Variants in ANKRD31 observed in about 807,000 individuals in gnomAD.
The protein encoded by ANKRD31 is ankyrin repeat domain 31, also known as ankyrin repeat domain-containing protein 31.
A neutral mutation model predicts 186.0 loss-of-function variants in ANKRD31; 147 were observed. That is an observed-to-expected ratio of 0.79 (90% CI 0.69 to 0.91). The LOEUF (loss-of-function observed/expected upper bound fraction) is 0.91. ANKRD31 is among the 40% of genes least tolerant of loss of function. ANKRD31 has a pLI of 0.00. For synonymous variants in ANKRD31, 673 were observed against 736.4 expected (o/e 0.91, Z 1.39); for missense variants, 1,986 against 2,148.8 (o/e 0.92, Z 1.50).
chr5:75,206,226 A>G (rs1756172440), intron 5 of ANKRD31, among the ~76,000 whole-genome samples, 185 bp downstream of exon 5: 2 of 7,046 alleles, frequency 2.8e-4, no homozygotes, highest in Admixed American at 2.3e-3. Flanking sequence ...CAAAAAAAAA[A>G]AAAAAAAAAA....
At chr5:75,234,832 G>T (rs1038029) in intron 1 of ANKRD31, among the ~76,000 whole-genome samples, 1 of 150,334 alleles carries the variant, frequency 6.7e-6, no homozygotes, top group Admixed American at 6.6e-5. Flanking sequence ...AATACTTTTT[G>T]GTTTTTTTTT....
At chr5:75,221,799 A>G (rs1757320461) in intron 3 of ANKRD31, among the ~76,000 whole-genome samples, 2 of 106,474 alleles carry the variant, frequency 1.9e-5, no homozygotes, top group Admixed American at 1.7e-4. Flanking sequence ...CACTTAATGA[A>G]TAGTAAATAT....
chr5:75,115,651 T>G (rs1402464601), intron 19 of ANKRD31, among the ~76,000 whole-genome samples: 1 of 151,942 alleles, frequency 6.6e-6, no homozygotes, highest in African/African-American at 2.4e-5. Flanking sequence ...AAAAAACACA[T>G]GAAAAAATGC....
intron 10 of ANKRD31, among the ~76,000 whole-genome samples, chr5:75,174,362 G>C (rs1753598674): frequency 6.6e-6 from 1 of 152,134 alleles, no homozygotes; most frequent in Non-Finnish European, 1.5e-5. Flanking sequence ...GGCAACAAAA[G>C]CCAAAATAGA....
intron 10 of ANKRD31, among the ~76,000 whole-genome samples, chr5:75,184,212 A>C (rs1339112569): frequency 1.3e-5 from 2 of 152,160 alleles, no homozygotes; most frequent in African/African-American, 4.8e-5. Context: ...AGAAGAATAA[A>C]ACTGGATCCT....
At chr5:75,122,155 G>A (rs10474429) in intron 17 of ANKRD31, among the ~76,000 whole-genome samples, 32,461 of 151,474 alleles carry the variant, frequency 0.21, 3,658 homozygotes, top group South Asian at 0.4. Context: ...AGATACAAAA[G>A]ATCATCAGAC....
In ANKRD31 at chr5:75,121,377, G is replaced by A. The variant is rs184973775; in HGVS notation, c.3877-3080C>T. Among the ~76,000 whole-genome samples, 59 of 152,090 alleles carry A rather than the reference G, an allele frequency of 3.9e-4. 1 individual carries two copies. The highest frequency in any genetic ancestry group is 1.1e-3 in the African/African-American group (47 of 41,504). On this transcript the variant is annotated intron_variant, in intron 17 of 25. Transcript: ENST00000506364. ...ATAATACTGGGGCACTTGAACATCC[G>A]AGTCACAGCACTAGACAGATCACTG... is the stretch of plus-strand genomic sequence containing the variant.
chr5:75,185,716 T>C (rs1754665477), intron 10 of ANKRD31, among the ~76,000 whole-genome samples: 1 of 152,116 alleles, frequency 6.6e-6, no homozygotes, highest in South Asian at 2.1e-4. Context: ...AGGTGTTAGA[T>C]ATGCTAATTA....
intron 22 of ANKRD31, among the ~76,000 whole-genome samples, chr5:75,095,311 TA>T (rs1746231110): frequency 6.7e-6 from 1 of 150,340 alleles, no homozygotes; most frequent in Non-Finnish European, 1.5e-5. Flanking sequence ...CTACTAAAAA[TA>T]CAAAAAAAAA....
At position 75,236,607 on chromosome 5, in the gene ANKRD31, T is replaced by C; in HGVS notation, c.80A>G (p.Glu27Gly). The C allele has an allele frequency of 6.5e-7, 1 of 1,537,190 alleles. No homozygotes were observed. Among genetic ancestry groups the C allele is most frequent in the Non-Finnish European group, 8.7e-7 (1 of 1,146,866 alleles). ...CCTTCTCCAGGGCAGCTCCTTTTCT[T>C]CCAGGTCGCTCTCCGTCACTGAACC... The part of the protein sequence containing the change: ...IEGSVTESDL[E>G]EKELPWRRLL... The change falls in exon 1 of 26, where the codon GAA becomes GGA. Residue 27 changes from glutamate to glycine, a missense_variant. Coordinates refer to ENST00000506364, the MANE Select transcript of ANKRD31 (RefSeq NM_001372053.1).
At chr5:75,216,076 C>T (rs1477840902) in intron 3 of ANKRD31, among the ~76,000 whole-genome samples, 3 of 152,068 alleles carry the variant, frequency 2.0e-5, no homozygotes, top group Non-Finnish European at 4.4e-5. Flanking sequence ...ATCTATTTTT[C>T]CAATGAAAGT....
chr5:75,091,424 A>T lies in ANKRD31; in HGVS notation c.5332-23T>A, dbSNP rs767964990. On this transcript the variant is annotated intron_variant, in intron 22 of 25. Transcript: ENST00000506364. ...CTCCTGAAGTGAAAAATAAAACAGAAATTAAGGTCAAAAATAGCTGAAATA... is the reference window on the plus strand; with the variant it reads ...CTCCTGAAGTGAAAAATAAAACAGATATTAAGGTCAAAAATAGCTGAAATA... The T allele has an allele frequency of 9.9e-6, 15 of 1,516,862 alleles. 1 individual carries two copies. The South Asian group carries it at 1.7e-4, about 17-fold the overall frequency. The allele number at this position is 1,516,862 out of a possible 1,614,324, so 94.0% of individuals were successfully genotyped here. A position where few individuals can be genotyped will look rare whatever the true frequency, so the allele number is the denominator to read the frequency against.
chr5:75,171,202 G>T (rs371413494), intron 10 of ANKRD31, among the ~76,000 whole-genome samples: 2 of 152,004 alleles, frequency 1.3e-5, no homozygotes, highest in East Asian at 3.9e-4. Context: ...ATTCAACAAA[G>T]GAGATAATAT....
chr5:75,136,400 G>A (rs773064655), intron 17 of ANKRD31, among the ~76,000 whole-genome samples: 31 of 152,036 alleles, frequency 2.0e-4, no homozygotes, highest in Non-Finnish European at 3.1e-4. Context: ...GCAGCCAACA[G>A]ACACATGAAA....
At chr5:75,082,371 C>T (rs1457625162) in intron 24 of ANKRD31, among the ~76,000 whole-genome samples, 1 of 152,118 alleles carries the variant, frequency 6.6e-6, no homozygotes, top group African/African-American at 2.4e-5. Context: ...ATCACAGTAT[C>T]ATCATTTTTT....
rs1474088154 is a variant in ANKRD31 at position 75,118,154 on chromosome 5, CTCA to C, written c.4017_4019del (p.Asp1339del). 6.7e-7 allele frequency: 1 copy of C among 1,490,378 alleles called. No individual in the cohort carries two copies. The highest frequency in any genetic ancestry group is 8.8e-7 in the Non-Finnish European group (1 of 1,131,214). 92.3% of individuals were successfully genotyped at this position (1,490,378 alleles called of 1,614,324 possible). A position where few individuals can be genotyped will look rare whatever the true frequency, so the allele number is the denominator to read the frequency against. On this transcript the variant is annotated inframe_deletion, in exon 18 of 26. Coordinates refer to ENST00000506364, the MANE Select transcript of ANKRD31 (RefSeq NM_001372053.1). The stretch of plus-strand genomic sequence containing the variant: ...ACATACCATTGACTATAGCATCACT[CTCA>C]TCTCTATTAACAGTCTCAATAGCAC...
chr5:75,143,792 T>C (rs985485435), intron 15 of ANKRD31, among the ~76,000 whole-genome samples: 1 of 152,146 alleles, frequency 6.6e-6, no homozygotes, highest in African/African-American at 2.4e-5. Context: ...CTAGAAGTCA[T>C]AGAAAGAAGT....
At chr5:75,190,814 A>T (rs894845704) in intron 9 of ANKRD31, among the ~76,000 whole-genome samples, 5 of 151,988 alleles carry the variant, frequency 3.3e-5, no homozygotes, top group African/African-American at 1.2e-4. Context: ...TGAAACCATC[A>T]CCACCATTAA....
Position 75,114,894 on chromosome 5 carries a change from T to C in ANKRD31, c.4155+1672A>G, listed in dbSNP as rs1017205772. On this transcript the variant is annotated intron_variant, in intron 19 of 25. Coordinates refer to ENST00000506364, the MANE Select transcript of ANKRD31 (RefSeq NM_001372053.1). Reference sequence around the variant, plus strand: ...GCTACCAATGACTTTCTTCACAGAATTGGAAAAAACTACTTGAAAGTTCAT... The same window carrying C: ...GCTACCAATGACTTTCTTCACAGAACTGGAAAAAACTACTTGAAAGTTCAT... Among the ~76,000 whole-genome samples the C allele has an allele frequency of 4.6e-5, 7 of 151,990 alleles. No homozygotes were observed. The South Asian group carries it at 6.2e-4, about 13-fold the overall frequency.
Sources: gnomAD v4.1 joint callset for allele counts (sites outside exome capture counted in the v4.1 genomes callset) on GRCh38, gnomAD v4.1.1 for gene constraint, MANE v1.5 for transcripts, NCBI Gene and HGNC (gene_info 2026-07-23, HGNC 2026-07-21) for gene names.